The following GNB1 variants were observed in gnomAD, a reference collection of about 807,000 sequenced individuals.
The protein encoded by GNB1 is guanine nucleotide-binding protein G(I)/G(S)/G(T) subunit beta-1.
A neutral mutation model predicts 42.9 loss-of-function variants in GNB1; 2 were observed. The observed-to-expected ratio is 0.05, with a 90% CI of 0.02 to 0.15. The LOEUF (loss-of-function observed/expected upper bound fraction) is 0.15. Ranked by LOEUF, GNB1 falls within the 10% of genes least tolerant of loss-of-function variation. The probability of loss-of-function intolerance (pLI) is 1.00; values close to 1 mark genes in which losing one functional copy is unlikely to be tolerated. For synonymous variants in GNB1, 183 were observed against 174.7 expected, an observed-to-expected ratio of 1.05 and a Z score of -0.38; for missense variants, 193 against 462.2, an observed-to-expected ratio of 0.42 and a Z score of 5.34.
intron 5 of GNB1, among the ~76,000 whole-genome samples, chr1:1,810,222 C>T (rs1287296173): frequency 2.0e-5 from 3 of 151,830 alleles, no homozygotes; most frequent in South Asian, 2.1e-4. Flanking sequence ...CCTGCCACCG[C>T]GCCTGGCTTA....
chr1:1,847,987 T>C (rs1272289428), intron 1 of GNB1, among the ~76,000 whole-genome samples: 2 of 152,156 alleles, frequency 1.3e-5, no homozygotes, highest in Non-Finnish European at 1.5e-5. Flanking sequence ...TCCCCAAGAC[T>C]GCACTTGACT....
chr1:1,795,420 C>T (rs1024462752), intron 7 of GNB1, among the ~76,000 whole-genome samples: 2 of 152,192 alleles, frequency 1.3e-5, no homozygotes, highest in African/African-American at 2.4e-5. Context: ...GCACAGCCTG[C>T]ATCTCACACA....
intron 1 of GNB1, among the ~76,000 whole-genome samples, chr1:1,845,756 T>G (rs1312950390): frequency 6.7e-6 from 1 of 148,526 alleles, no homozygotes; most frequent in Non-Finnish European, 1.5e-5. Context: ...GGGTTCAATC[T>G]GAATTTGGAG....
chr1:1,819,756 T>C (rs1272384292), intron 3 of GNB1, among the ~76,000 whole-genome samples: 1 of 151,422 alleles, frequency 6.6e-6, no homozygotes, highest in African/African-American at 2.4e-5. Flanking sequence ...TGCCTGTGGC[T>C]GGTCTTGAAC....
intron 1 of GNB1, among the ~76,000 whole-genome samples, chr1:1,876,726 G>T (rs938278055): frequency 6.6e-6 from 1 of 152,158 alleles, no homozygotes; most frequent in Non-Finnish European, 1.5e-5. Flanking sequence ...TAGCGGTACT[G>T]GAAGCTAACA....
intron 1 of GNB1, among the ~76,000 whole-genome samples, chr1:1,863,468 G>A (rs998795321): frequency 6.6e-6 from 1 of 152,150 alleles, no homozygotes. Flanking sequence ...TGGGAGTGGG[G>A]CAAACACACC....
chr1:1,788,341 C>T (rs1312616527), intron 10 of GNB1: 2 of 153,006 alleles, frequency 1.3e-5, no homozygotes, highest in Admixed American at 1.3e-4. Context: ...CACCACACAG[C>T]TGAGTACAGG....
intron 1 of GNB1, among the ~76,000 whole-genome samples, chr1:1,849,709 A>G (rs1647876622): frequency 6.6e-6 from 1 of 152,076 alleles, no homozygotes; most frequent in African/African-American, 2.4e-5. Flanking sequence ...CCTGTATGAA[A>G]TACTTTTTTT....
At chr1:1,846,613 G>C (rs1427678641) in intron 1 of GNB1, among the ~76,000 whole-genome samples, 1 of 152,118 alleles carries the variant, frequency 6.6e-6, no homozygotes, top group South Asian at 2.1e-4. Flanking sequence ...ACCCAAGTGG[G>C]TGACAGCCTT....
At chr1:1,864,005 G>A (rs1232450045) in intron 1 of GNB1, among the ~76,000 whole-genome samples, 1 of 152,076 alleles carries the variant, frequency 6.6e-6, no homozygotes, top group Non-Finnish European at 1.5e-5. Context: ...GTTGGACCCT[G>A]TCTCTACAAA....
chr1:1,825,649 G>C, intron 2 of GNB1, 150 bp from the exon 3 acceptor site: 1 of 528,150 alleles, frequency 1.9e-6, no homozygotes, highest in Admixed American at 3.0e-5. Context: ...CAGATCACGA[G>C]GTCAGGAGAT....
At chr1:1,831,771 A>G (rs2101063472) in intron 2 of GNB1, among the ~76,000 whole-genome samples, 1 of 151,500 alleles carries the variant, frequency 6.6e-6, no homozygotes, top group East Asian at 2.0e-4. Context: ...ATTATAATTA[A>G]AATAGGTCTG....
rs1646464912 is a variant in GNB1 at position 1,790,339 on chromosome 1, T to C, written c.699+56A>G. 3.3e-6 allele frequency: 4 copies of C among 1,222,356 alleles called. No individual in the cohort carries two copies. The East Asian group carries it at 7.0e-5, about 21-fold the overall frequency. The allele number at this position is 1,222,356 out of a possible 1,614,324, so 75.7% of individuals were successfully genotyped here. A position where few individuals can be genotyped will look rare whatever the true frequency, so the allele number is the denominator to read the frequency against. On this transcript the variant is annotated intron_variant, in intron 9 of 11. Coordinates refer to ENST00000378609, the MANE Select transcript of GNB1 (RefSeq NM_002074.5). This position sits in a 1 kb window ranked among gnomAD's most constrained non-coding sequence, Gnocchi z 5.4. ...CAGAAAAGTTTAAAATTTAGCAATC[T>C]GAACGGCTAGCAGAGACGGCAGAGG...
intron 1 of GNB1, among the ~76,000 whole-genome samples, chr1:1,844,436 G>A (rs1647510527): frequency 1.3e-5 from 2 of 150,346 alleles, no homozygotes; most frequent in African/African-American, 2.4e-5. Flanking sequence ...CAAGGCTCTT[G>A]ATAAAATCAA....
chr1:1,867,246 AG>A (rs1648993773), intron 1 of GNB1, among the ~76,000 whole-genome samples: 1 of 152,170 alleles, frequency 6.6e-6, no homozygotes. Context: ...CAGCCTGGCA[AG>A]AGCGAAACTC....
intron 1 of GNB1, among the ~76,000 whole-genome samples, chr1:1,889,778 A>G (rs989148750): frequency 2.2e-4 from 33 of 152,220 alleles, no homozygotes; most frequent in Admixed American, 5.9e-4. Flanking sequence ...TATCATTTGA[A>G]TCAACTATCG....
intron 2 of GNB1, among the ~76,000 whole-genome samples, chr1:1,829,552 C>T (rs1240948841): frequency 3.3e-5 from 5 of 152,082 alleles, no homozygotes; most frequent in Non-Finnish European, 7.4e-5. Context: ...TGCAAGGGAA[C>T]CAGGTGCCAG....
At chr1:1,825,781 C>T (rs896430242) in intron 2 of GNB1, among the ~76,000 whole-genome samples, 2 of 151,304 alleles carry the variant, frequency 1.3e-5, no homozygotes, top group African/African-American at 2.4e-5. Flanking sequence ...AGGAGAATGG[C>T]GTGAACCTGG....
chr1:1,837,255 ATTTTTTT>A (rs35300114), intron 2 of GNB1, among the ~76,000 whole-genome samples: 1 of 138,262 alleles, frequency 7.2e-6, no homozygotes, highest in Non-Finnish European at 1.6e-5. Flanking sequence ...CATTGAGTTA[ATTTTTTT>A]TTTTTTTTTT....
Sources: allele counts gnomAD v4.1 joint callset (sites outside exome capture counted in the v4.1 genomes callset), GRCh38; gene constraint gnomAD v4.1.1; non-coding constraint Gnocchi (gnomAD v3.1); transcripts MANE v1.5; gene names NCBI Gene and HGNC (gene_info 2026-07-23, HGNC 2026-07-21).